The following MROH9 variants were observed in gnomAD, a reference collection of about 807,000 sequenced individuals.
MROH9 encodes the protein maestro heat-like repeat-containing protein family member 9.
Under a neutral mutation model 98.2 loss-of-function variants are expected in MROH9, and 92 were observed. The observed-to-expected ratio is 0.94, with a 90% confidence interval of 0.79 to 1.11. The LOEUF is 1.11. MROH9 is among the 50% of genes most tolerant of loss of function. The pLI is 0.00. For synonymous variants in MROH9, 397 were observed against 368.9 expected (o/e 1.08, Z -0.87); for missense variants, 1,057 against 1,014.8 (o/e 1.04, Z -0.57).
At chr1:171,050,895 G>T (rs574916969) in intron 20 of MROH9, among the ~76,000 whole-genome samples, 13 of 152,230 alleles carry the variant, frequency 8.5e-5, no homozygotes, top group African/African-American at 2.9e-4. Flanking sequence ...TTTATCAAAT[G>T]CTTTTTCTAC....
At chr1:170,982,708 A>G (rs763268003) in intron 8 of MROH9, among the ~76,000 whole-genome samples, 4 of 152,092 alleles carry the variant, frequency 2.6e-5, no homozygotes, top group African/African-American at 4.8e-5. Flanking sequence ...TGGGCAACAT[A>G]GTGCGACCCT....
At chr1:170,984,363 G>A (rs17621839) in intron 9 of MROH9, among the ~76,000 whole-genome samples, 17,870 of 152,160 alleles carry the variant, frequency 0.12, 1,120 homozygotes, top group South Asian at 0.14. Context: ...ACATGGTATG[G>A]TCAAAAATAC....
intron 15 of MROH9, among the ~76,000 whole-genome samples, chr1:171,003,787 G>T (rs1465197090): frequency 6.6e-6 from 1 of 152,230 alleles, no homozygotes; most frequent in East Asian, 1.9e-4. Flanking sequence ...CTGGTGGTGG[G>T]TAGGACCCTA....
At chr1:170,940,891 C>T (rs1649094713) in intron 1 of MROH9, among the ~76,000 whole-genome samples, 1 of 152,190 alleles carries the variant, frequency 6.6e-6, no homozygotes, top group Non-Finnish European at 1.5e-5. Context: ...CTTTTCTCGC[C>T]ATAATATCCC....
chr1:171,056,712 C>T lies in MROH9; in HGVS notation c.2282-5420C>T, dbSNP rs545674508. Among the ~76,000 whole-genome samples the T allele has an allele frequency of 1.6e-4, 25 of 152,262 alleles. 1 individual carries two copies. The East Asian group carries it at 4.1e-3, about 25-fold the overall frequency. ...GGTTGTCAGAAACCCTACACAGGAG[C>T]GATCCAACTGGCATCAGGTCAGTGC... On this transcript the variant is annotated intron_variant, in intron 20 of 21. Coordinates refer to ENST00000367759, the MANE Select transcript of MROH9 (RefSeq NM_001163629.2).
intron 3 of MROH9, among the ~76,000 whole-genome samples, chr1:170,957,820 T>A (rs1472121395): frequency 6.9e-6 from 1 of 145,154 alleles, no homozygotes; most frequent in Admixed American, 7.1e-5. Context: ...GTTTGTTTGT[T>A]TTTTTTGAGA....
intron 7 of MROH9, among the ~76,000 whole-genome samples, chr1:170,971,009 T>TA (rs1287499465): frequency 2.0e-5 from 3 of 152,244 alleles, no homozygotes; most frequent in Non-Finnish European, 4.4e-5. Context: ...CTTCTTTGTC[T>TA]AAAAAAAGAC....
At chr1:171,041,347 A>ATGTGTGTGTGTGTGTGTG (rs377650131) in intron 20 of MROH9, among the ~76,000 whole-genome samples, 18 of 80,642 alleles carry the variant, frequency 2.2e-4, no homozygotes, top group African/African-American at 7.4e-4. Flanking sequence ...GTATTCCATG[A>ATGTGTGTGTGTGTGTGTG]TGTGTGTGTG....
At chr1:170,980,101 T>C (rs1356926828) in intron 8 of MROH9, among the ~76,000 whole-genome samples, 1 of 152,040 alleles carries the variant, frequency 6.6e-6, no homozygotes, top group Admixed American at 6.5e-5. Flanking sequence ...CACAAAAAAA[T>C]AGAAAAACAT....
At chr1:171,008,696 T>C (rs1171155011) in intron 15 of MROH9, among the ~76,000 whole-genome samples, 1 of 152,170 alleles carries the variant, frequency 6.6e-6, no homozygotes. Context: ...TTTGAGGCTG[T>C]CGTGAGCTGT....
At chr1:170,975,187 TA>T (rs1309429991) in intron 8 of MROH9, among the ~76,000 whole-genome samples, 3 of 151,988 alleles carry the variant, frequency 2.0e-5, no homozygotes, top group Non-Finnish European at 2.9e-5. Context: ...TCAGACTGAA[TA>T]AAAAGCAAGC....
chr1:170,958,607 A>T, intron 4 of MROH9, 67 bp downstream of exon 4: 2 of 1,097,286 alleles, frequency 1.8e-6, no homozygotes, highest in Non-Finnish European at 2.7e-6. Context: ...TATCTTTAAA[A>T]ACATGCAATT....
intron 20 of MROH9, among the ~76,000 whole-genome samples, chr1:171,050,693 C>T (rs1201188804): frequency 2.6e-5 from 4 of 152,112 alleles, no homozygotes; most frequent in African/African-American, 9.7e-5. Context: ...GTTAGGTCTT[C>T]CAGTACTGCA....
chr1:171,006,164 C>G (rs767870501), intron 15 of MROH9, among the ~76,000 whole-genome samples: 17 of 152,062 alleles, frequency 1.1e-4, no homozygotes, highest in Non-Finnish European at 2.1e-4. Context: ...GTCTTTATCT[C>G]TACTTAATTC....
intron 14 of MROH9, among the ~76,000 whole-genome samples, chr1:170,997,940 A>G (rs1651643575): frequency 6.6e-6 from 1 of 152,166 alleles, no homozygotes; most frequent in Non-Finnish European, 1.5e-5. Flanking sequence ...AGGAAAGAGA[A>G]GTGACATTAA....
chr1:171,004,996 T>C (rs1651908494), intron 15 of MROH9, among the ~76,000 whole-genome samples: 1 of 152,150 alleles, frequency 6.6e-6, no homozygotes. Context: ...TTTTTTTCTA[T>C]TTCTGTAAAA....
chr1:171,037,074 TATATC>T (rs1458435538), intron 20 of MROH9, among the ~76,000 whole-genome samples: 4 of 151,944 alleles, frequency 2.6e-5, no homozygotes, highest in Non-Finnish European at 5.9e-5. Flanking sequence ...GGTAGGATAT[TATATC>T]TATTCTTTTA....
In MROH9 at chr1:171,014,212, G is replaced by C; in HGVS notation, c.1692G>C (p.Leu564=). The change falls in exon 16 of 22, where the codon CTG becomes CTC. Residue 564 remains leucine, a synonymous_variant. Transcript: ENST00000367759. ...INDSNPVVSR[L]ILHRIVHMSP... ...ATTCCAATCCTGTAGTTAGCAGACT[G>C]ATCCTTCATAGAATTGTCCACATGT... is the stretch of plus-strand genomic sequence containing the variant. 1 of 1,551,268 alleles carries C rather than the reference G, an allele frequency of 6.4e-7. No homozygotes were observed. The highest frequency in any genetic ancestry group is 8.7e-7 in the Non-Finnish European group (1 of 1,146,796).
intron 20 of MROH9, 102 bp downstream of exon 20, chr1:171,025,522 T>C: frequency 1.4e-6 from 1 of 724,062 alleles, no homozygotes; most frequent in South Asian, 1.7e-5. Flanking sequence ...TCTCTGTTTA[T>C]GAGGGACAGC....
Sources: gnomAD v4.1 joint callset for allele counts (sites outside exome capture counted in the v4.1 genomes callset) on GRCh38, gnomAD v4.1.1 for gene constraint, MANE v1.5 for transcripts, NCBI Gene and HGNC (gene_info 2026-07-23, HGNC 2026-07-21) for gene names.